Variants in BANK1 observed in about 807,000 individuals in gnomAD.
BANK1 encodes B cell scaffold protein with ankyrin repeats 1.
A neutral mutation model predicts 94.5 loss-of-function variants in BANK1; 95 were observed. The ratio of observed to expected loss-of-function variants is 1.00; its 90% CI spans 0.85 to 1.19. The LOEUF (loss-of-function observed/expected upper bound fraction) is 1.19, where lower values mean the gene tolerates loss of function less well. Ranked by LOEUF, BANK1 falls within the 50% of genes most tolerant of loss-of-function variation. BANK1 has a pLI of 0.00. For synonymous variants in BANK1, 334 were observed against 308.4 expected (o/e 1.08, Z -0.87); for missense variants, 987 against 932.2 (o/e 1.06, Z -0.77).
At chr4:101,960,447 T>C (rs1258781217) in intron 7 of BANK1, among the ~76,000 whole-genome samples, 1 of 152,116 alleles carries the variant, frequency 6.6e-6, no homozygotes, top group Non-Finnish European at 1.5e-5. Flanking sequence ...GAATTCTTTA[T>C]TGATGTGTGT....
At chr4:101,932,036 A>G (rs556829559) in intron 7 of BANK1, among the ~76,000 whole-genome samples, 1 of 151,514 alleles carries the variant, frequency 6.6e-6, no homozygotes, top group African/African-American at 2.4e-5. Flanking sequence ...GTAATTTTCA[A>G]GTACTTCCTA....
intron 1 of BANK1, among the ~76,000 whole-genome samples, chr4:101,803,408 T>A (rs1245127957): frequency 6.6e-6 from 1 of 152,180 alleles, no homozygotes; most frequent in African/African-American, 2.4e-5. Context: ...ATTTTTCTAT[T>A]TCTTAAATTC....
At chr4:101,915,679 G>T (rs60071041) in intron 6 of BANK1, among the ~76,000 whole-genome samples, 5,587 of 152,140 alleles carry the variant, frequency 0.037, 362 homozygotes, top group African/African-American at 0.13. Flanking sequence ...GTATCTACTT[G>T]TGAATTTTCC....
chr4:101,791,039 C>G, intron 1 of BANK1, 89 bp downstream of exon 1: 1 of 1,089,646 alleles, frequency 9.2e-7, no homozygotes, highest in East Asian at 2.9e-5. Context: ...GACAACTGCA[C>G]TCGGGCACTG....
chr4:101,947,038 GA>G (rs1053311990), intron 7 of BANK1, among the ~76,000 whole-genome samples: 2 of 151,584 alleles, frequency 1.3e-5, no homozygotes, highest in African/African-American at 4.8e-5. Flanking sequence ...ATAAATGAAA[GA>G]AAACCTGGCT....
At chr4:101,883,699 T>C (rs1184431302) in intron 5 of BANK1, among the ~76,000 whole-genome samples, 2 of 152,232 alleles carry the variant, frequency 1.3e-5, no homozygotes, top group Admixed American at 6.5e-5. Context: ...CTCTGGTTTT[T>C]ACTACCTGCT....
rs1011302277 is a variant in BANK1, at chr4:101,976,145, C to T, written c.1207-45369C>T. On this transcript the variant is annotated intron_variant, in intron 7 of 16. Transcript: ENST00000322953. The stretch of plus-strand genomic sequence containing the variant: ...CAGTTTGTCCAAAGATCTGAAGTTC[C>T]TGTGGTCATAAGCAGTGAATTAGAG... Among the ~76,000 whole-genome samples, 2 of 152,246 alleles carry T rather than the reference C, an allele frequency of 1.3e-5. 1 individual carries two copies. The highest frequency in any genetic ancestry group is 6.8e-3 in the Middle Eastern group (2 of 294).
intron 7 of BANK1, among the ~76,000 whole-genome samples, chr4:101,980,648 T>C (rs1238198490): frequency 6.6e-6 from 1 of 151,972 alleles, no homozygotes; most frequent in Non-Finnish European, 1.5e-5. Context: ...CTGGGATTGC[T>C]TTTATTTATA....
chr4:101,840,204 G>A (rs1358840972), intron 2 of BANK1, among the ~76,000 whole-genome samples: 3 of 151,132 alleles, frequency 2.0e-5, no homozygotes, highest in South Asian at 2.1e-4. Context: ...TCCTGACCTC[G>A]TGATCCGCCC....
Position 101,994,936 on chromosome 4 carries a change from C to A in BANK1, c.1207-26578C>A, listed in dbSNP as rs906412347. Among the ~76,000 whole-genome samples the A allele has an allele frequency of 3.9e-5, 6 of 151,944 alleles. No individual in the cohort carries two copies. In the South Asian group the frequency reaches 8.3e-4, roughly 21 times the overall value. ...TTTGAATTCTTATTGTCATAATTTA[C>A]TTTTTGATATTGCCTCTTTTTTAAA... is the stretch of plus-strand genomic sequence containing the variant. On this transcript the variant is annotated intron_variant, in intron 7 of 16. Transcript: ENST00000322953.
At chr4:101,816,748 A>G (rs1222772223) in intron 1 of BANK1, among the ~76,000 whole-genome samples, 1 of 152,094 alleles carries the variant, frequency 6.6e-6, no homozygotes, top group Non-Finnish European at 1.5e-5. Context: ...TTCTAATGGA[A>G]TATTATTTCT....
intron 3 of BANK1, among the ~76,000 whole-genome samples, chr4:101,859,955 G>A (rs1415556805): frequency 6.6e-6 from 1 of 152,142 alleles, no homozygotes; most frequent in Non-Finnish European, 1.5e-5. Context: ...GATATGCAGT[G>A]CAGAAACAGT....
At chr4:102,068,592 T>C (rs1003331731) in intron 13 of BANK1, among the ~76,000 whole-genome samples, 2 of 152,118 alleles carry the variant, frequency 1.3e-5, no homozygotes, top group African/African-American at 4.8e-5. Context: ...TTTGGGAGGC[T>C]GAGGCAGGTG....
chr4:101,949,794 T>A (rs1441189270), intron 7 of BANK1, among the ~76,000 whole-genome samples: 1 of 152,152 alleles, frequency 6.6e-6, no homozygotes, highest in Non-Finnish European at 1.5e-5. Flanking sequence ...AGAGTGCCTC[T>A]CATTACACAA....
At chr4:102,062,956 A>T (rs1195053831) in intron 12 of BANK1, 119 bp from the exon 13 acceptor site, 1 of 721,218 alleles carries the variant, frequency 1.4e-6, no homozygotes. Flanking sequence ...TTGAGACATC[A>T]TAAGTAGCAA....
intron 7 of BANK1, among the ~76,000 whole-genome samples, chr4:101,934,429 T>C (rs1481322320): frequency 6.6e-6 from 1 of 151,400 alleles, no homozygotes; most frequent in Non-Finnish European, 1.5e-5. Context: ...CTGTGGTCAC[T>C]GAAGGAGAAA....
At chr4:102,029,760 A>G (rs1727224947) in intron 9 of BANK1, among the ~76,000 whole-genome samples, 200 bp from the exon 10 acceptor site, 1 of 152,086 alleles carries the variant, frequency 6.6e-6, no homozygotes, top group Admixed American at 6.5e-5. Context: ...ATGATTTATT[A>G]GTAAGTTACA....
At chr4:101,953,579 CA>C (rs1406904239) in intron 7 of BANK1, among the ~76,000 whole-genome samples, 4 of 151,780 alleles carry the variant, frequency 2.6e-5, no homozygotes, top group Non-Finnish European at 5.9e-5. Context: ...GTAGGGTGCA[CA>C]AAAAATTATG....
intron 12 of BANK1, chr4:102,062,787 A>G (rs531496534): frequency 9.8e-6 from 3 of 304,718 alleles, no homozygotes; most frequent in South Asian, 4.7e-5. Context: ...CTAGGATCCA[A>G]TCTTGACTCT....
Sources: gnomAD v4.1 joint callset for allele counts (sites outside exome capture counted in the v4.1 genomes callset) on GRCh38, gnomAD v4.1.1 for gene constraint, MANE v1.5 for transcripts, NCBI Gene and HGNC (gene_info 2026-07-23, HGNC 2026-07-21) for gene names.